NCOR1: variants seen among roughly 807,000 people sequenced by gnomAD.
NCOR1 encodes protein phosphatase 1, regulatory subunit 109.
Under a neutral mutation model 288.1 loss-of-function variants are expected in NCOR1, and 63 were observed. The ratio of observed to expected loss-of-function variants is 0.22; its 90% CI spans 0.18 to 0.27. The LOEUF is 0.27. Among genes scored for constraint, NCOR1 ranks in the 10% least tolerant of loss-of-function variants. The pLI, the probability that NCOR1 is intolerant of heterozygous loss-of-function variation, is 1.00. For missense variants in NCOR1, 2,397 were observed against 3,019.2 expected, an observed-to-expected ratio of 0.79 and a Z score of 4.83; for synonymous variants, 1,007 against 1,065.9, an observed-to-expected ratio of 0.94 and a Z score of 1.08.
chr17:16,155,467 A>G (rs1006587743), intron 6 of NCOR1, among the ~76,000 whole-genome samples: 2 of 152,158 alleles, frequency 1.3e-5, no homozygotes, highest in African/African-American at 4.8e-5. Context: ...ATTCTTCTGA[A>G]ATTAGAATAT....
In NCOR1 at chr17:16,038,501, A is replaced by G. The variant is rs117512990; in HGVS notation, c.6955+932T>C. Among the ~76,000 whole-genome samples the G allele has an allele frequency of 1.9e-3, 294 of 151,156 alleles. 5 individuals are homozygous for G. The highest frequency in any genetic ancestry group is 0.015 in the Admixed American group (222 of 15,170). ...ACCTGGGCTGGAGTGCAGTGGTGCA[A>G]TTGCAGCTCACTGCAACCTCTGCCT... On this transcript the variant is annotated intron_variant, in intron 44 of 45. Coordinates refer to ENST00000268712, the MANE Select transcript of NCOR1 (RefSeq NM_006311.4).
intron 14 of NCOR1, among the ~76,000 whole-genome samples, 170 bp from the exon 15 acceptor site, chr17:16,126,376 A>G (rs2074045698): frequency 1.3e-5 from 2 of 152,118 alleles, no homozygotes; most frequent in African/African-American, 4.8e-5. Context: ...TGTATTCTAT[A>G]TGTACTGCTT....
intron 14 of NCOR1, among the ~76,000 whole-genome samples, chr17:16,126,868 A>G (rs1203990981): frequency 6.6e-6 from 1 of 152,184 alleles, no homozygotes; most frequent in Non-Finnish European, 1.5e-5. Flanking sequence ...TGTGCAATGA[A>G]TGCTACTACA....
intron 31 of NCOR1, 130 bp from the exon 32 acceptor site, chr17:16,068,251 A>C: frequency 1.4e-6 from 1 of 739,668 alleles, no homozygotes; most frequent in Non-Finnish European, 2.2e-6. Flanking sequence ...CTCAACATTT[A>C]ACATTCAATA....
At chr17:16,177,704 A>G in intron 3 of NCOR1, among the ~76,000 whole-genome samples, 1 of 152,156 alleles carries the variant, frequency 6.6e-6, no homozygotes, top group East Asian at 1.9e-4. Context: ...ACCACTCCAG[A>G]GGGTTCTGGC....
chr17:16,037,952 A>C (rs961106450), intron 44 of NCOR1, among the ~76,000 whole-genome samples: 2 of 152,214 alleles, frequency 1.3e-5, no homozygotes, highest in African/African-American at 4.8e-5. Context: ...CTATACAACC[A>C]GTACAATTGT....
chr17:16,085,010 A>G (rs908787306), intron 23 of NCOR1, among the ~76,000 whole-genome samples: 2 of 152,234 alleles, frequency 1.3e-5, no homozygotes, highest in Non-Finnish European at 2.9e-5. Context: ...GAAAATAAAC[A>G]GACAAAAAAC....
chr17:16,060,682 T>TGG (rs1193772501), intron 37 of NCOR1, among the ~76,000 whole-genome samples: 20 of 152,210 alleles, frequency 1.3e-4, no homozygotes, highest in African/African-American at 4.8e-4. Flanking sequence ...TTTTTCATGA[T>TGG]GTCTAACTCT....
intron 14 of NCOR1, among the ~76,000 whole-genome samples, chr17:16,127,175 G>GCA (rs2074255958): frequency 7.1e-6 from 1 of 141,822 alleles, no homozygotes; most frequent in Admixed American, 6.9e-5. Context: ...ATACATGTAT[G>GCA]TATATATCTG....
At chr17:16,145,926 G>A (rs1379079706) in intron 10 of NCOR1, among the ~76,000 whole-genome samples, 2 of 152,122 alleles carry the variant, frequency 1.3e-5, no homozygotes, top group Non-Finnish European at 2.9e-5. Flanking sequence ...GGTGGACATG[G>A]GAGACTCCAT....
chr17:16,051,733 G>GA (rs1451249958), intron 40 of NCOR1, among the ~76,000 whole-genome samples: 1 of 152,016 alleles, frequency 6.6e-6, no homozygotes, highest in Admixed American at 6.6e-5. Flanking sequence ...CCAACGTGGA[G>GA]AAACCCCGTC....
chr17:16,208,206 ATT>A (rs757019446), intron 1 of NCOR1, among the ~76,000 whole-genome samples: 486 of 65,470 alleles, frequency 7.4e-3, no homozygotes, highest in Middle Eastern at 0.032. Flanking sequence ...ATGCCCAGCT[ATT>A]TTTTTTTTTT....
At chr17:16,130,779 G>A (rs1424285155) in intron 14 of NCOR1, among the ~76,000 whole-genome samples, 1 of 151,918 alleles carries the variant, frequency 6.6e-6, no homozygotes, top group Admixed American at 6.6e-5. Context: ...TGCCTCCCAG[G>A]CTCAAGCGAT....
intron 3 of NCOR1, among the ~76,000 whole-genome samples, chr17:16,175,197 T>C (rs1379251644): frequency 6.6e-6 from 1 of 151,990 alleles, no homozygotes; most frequent in Non-Finnish European, 1.5e-5. Flanking sequence ...TGAAAGCCCG[T>C]CTCTACAAAA....
chr17:16,148,677 AAAAAAAAAAAAAAC>A (rs1366351745), intron 9 of NCOR1, among the ~76,000 whole-genome samples: 1 of 149,444 alleles, frequency 6.7e-6, no homozygotes, highest in East Asian at 1.9e-4. Context: ...AAAAAAAAAA[AAAAAAAAAAAAAAC>A]AACTCAAGAC....
At chr17:16,070,143 C>A (rs2152720889) in intron 31 of NCOR1, 22 bp downstream of exon 31, 2 of 1,557,466 alleles carry the variant, frequency 1.3e-6, no homozygotes, top group South Asian at 1.2e-5. Context: ...AAGTATCAGA[C>A]CAAGCAACAA....
chr17:16,095,353 G>C (rs1329031718), intron 21 of NCOR1, among the ~76,000 whole-genome samples: 1 of 151,166 alleles, frequency 6.6e-6, no homozygotes, highest in Admixed American at 6.6e-5. Flanking sequence ...GGGAAGTGAG[G>C]AGCGTCTCCG....
At chr17:16,123,617 C>T (rs1039504027) in intron 15 of NCOR1, among the ~76,000 whole-genome samples, 2 of 152,198 alleles carry the variant, frequency 1.3e-5, no homozygotes, top group African/African-American at 4.8e-5. Context: ...AATCCACCTT[C>T]CACTTCTCTT....
intron 44 of NCOR1, 45 bp downstream of exon 44, chr17:16,039,388 T>A: frequency 5.7e-6 from 9 of 1,587,974 alleles, no homozygotes; most frequent in Non-Finnish European, 7.7e-6. Context: ...TAAACTGGCT[T>A]TTTTGGGGAA....
Sources: allele counts gnomAD v4.1 joint callset (sites outside exome capture counted in the v4.1 genomes callset), GRCh38; gene constraint gnomAD v4.1.1; transcripts MANE v1.5; gene names NCBI Gene and HGNC (gene_info 2026-07-23, HGNC 2026-07-21).